ARSG: variants seen among roughly 807,000 people sequenced by gnomAD.
ARSG encodes the protein arylsulfatase G.
A neutral mutation model predicts 50.5 loss-of-function variants in ARSG; 37 were observed. The ratio of observed to expected loss-of-function variants is 0.73; its 90% CI spans 0.56 to 0.96. ARSG has a LOEUF of 0.96. Among genes scored for constraint, ARSG ranks in the 50% least tolerant of loss-of-function variants. The pLI is 0.00. For synonymous variants in ARSG, 225 were observed against 254.6 expected, an observed-to-expected ratio of 0.88 and a Z score of 1.11; for missense variants, 629 against 675.3, an observed-to-expected ratio of 0.93 and a Z score of 0.76.
rs373972279 is a variant in ARSG at position 68,417,444 on chromosome 17, A to G, written c.1304-2745A>G. Among the ~76,000 whole-genome samples the G allele has an allele frequency of 2.3e-4, 35 of 152,256 alleles. No homozygotes were observed. The South Asian group carries it at 7.0e-3, about 31-fold the overall frequency. On this transcript the variant is annotated intron_variant, in intron 11 of 11. Transcript: ENST00000621439. ...TTGAGCTCCTGGAGGTAAAACTCAC[A>G]AAAGTGTGTTGTGTTTTGGGTGCCG...
At chr17:68,450,861 A>G in the ARSG span, 9 of 1,613,850 alleles carry the variant, frequency 5.6e-6, no homozygotes, top group South Asian at 9.9e-5. Flanking sequence ...GCTGCTGGAG[A>G]AGAGGCGCTC....
chr17:68,379,739 G>C (rs1446906549), intron 8 of ARSG: 2 of 802,224 alleles, frequency 2.5e-6, no homozygotes, highest in African/African-American at 1.9e-5. Flanking sequence ...CAATATGCTG[G>C]AGAGAGGACC....
At chr17:68,364,396 CAG>C (rs1214571014) in intron 6 of ARSG, among the ~76,000 whole-genome samples, 2 of 152,118 alleles carry the variant, frequency 1.3e-5, no homozygotes, top group Non-Finnish European at 2.9e-5. Context: ...TTATTTGAGA[CAG>C]AGTCTTGCTC....
intron 11 of ARSG, among the ~76,000 whole-genome samples, chr17:68,407,027 A>C (rs951083482): frequency 6.6e-6 from 1 of 152,240 alleles, no homozygotes; most frequent in African/African-American, 2.4e-5. Flanking sequence ...TTCTTAATCC[A>C]TGTTGAGTTG....
intron 4 of ARSG, among the ~76,000 whole-genome samples, chr17:68,349,794 A>C (rs2078674886): frequency 6.6e-6 from 1 of 152,172 alleles, no homozygotes; most frequent in Non-Finnish European, 1.5e-5. Context: ...GAAGCACGAG[A>C]ATCGCTTGAA....
rs577397215 is a variant in ARSG at position 68,268,782 on chromosome 17, T to C, written c.-552+9356T>C. The C allele has an allele frequency of 5.8e-4, 171 of 296,322 alleles. 3 individuals carry two copies. The South Asian group carries it at 8.4e-3, about 15-fold the overall frequency. 18.4% of individuals were successfully genotyped at this position (296,322 alleles called of 1,614,324 possible). A position where few individuals can be genotyped will look rare whatever the true frequency, so the allele number is the denominator to read the frequency against. On this transcript the variant is annotated intron_variant, in intron 1 of 11. Transcript: ENST00000448504. ...ACTTTGCCAGTTCATGTCACTATTT[T>C]AATATCGGAATGTGAACCAAAGAGT... is the stretch of plus-strand genomic sequence containing the variant.
At chr17:68,380,623 A>G (rs78392258) in intron 8 of ARSG, among the ~76,000 whole-genome samples, 7,112 of 152,218 alleles carry the variant, frequency 0.047, 513 homozygotes, top group African/African-American at 0.15. Context: ...GTAAGTCTAC[A>G]GTATATAATA....
At chr17:68,295,609 C>A (rs1703682814) in intron 1 of ARSG, among the ~76,000 whole-genome samples, 1 of 151,098 alleles carries the variant, frequency 6.6e-6, no homozygotes, top group African/African-American at 2.4e-5. Flanking sequence ...AGGAGGATTG[C>A]TTGAAGACCA....
chr17:68,379,421 A>ATT (rs375841879), intron 8 of ARSG, among the ~76,000 whole-genome samples: 13,234 of 72,092 alleles, frequency 0.18, 2,661 homozygotes, highest in South Asian at 0.26. Flanking sequence ...GAACACTACA[A>ATT]TTTTTTTTTT....
At chr17:68,337,908 C>T (rs1401896295) in intron 2 of ARSG, among the ~76,000 whole-genome samples, 2 of 152,096 alleles carry the variant, frequency 1.3e-5, no homozygotes, top group Admixed American at 6.6e-5. Context: ...TGAGCCACTG[C>T]GCCCGGCCAG....
chr17:68,351,250 T>G (rs2078749219), intron 4 of ARSG, among the ~76,000 whole-genome samples: 1 of 152,182 alleles, frequency 6.6e-6, no homozygotes, highest in Admixed American at 6.5e-5. Flanking sequence ...AAGTGTCATG[T>G]ATATAGTAGG....
At chr17:68,309,304 C>T (rs1032985628) in intron 2 of ARSG, among the ~76,000 whole-genome samples, 20 of 152,364 alleles carry the variant, frequency 1.3e-4, no homozygotes, top group Admixed American at 7.2e-4. Flanking sequence ...TCCACACCTC[C>T]CTGCAAGCCG....
At chr17:68,267,747 CA>C (rs35359403) in intron 1 of ARSG, 95,938 of 151,266 alleles carry the variant, frequency 0.63, 31,519 homozygotes, top group African/African-American at 0.8. Flanking sequence ...AGTGTGACTC[CA>C]AAAAAAAAGG....
rs565248525 is a variant in ARSG, at chr17:68,310,748, G to A, written c.218+3037G>A. Among the ~76,000 whole-genome samples, 12 of 152,288 alleles carry A rather than the reference G, an allele frequency of 7.9e-5. No individual in the cohort carries two copies. In the East Asian group the frequency reaches 1.5e-3, roughly 20 times the overall value. ...GCTTGATGCTTTTCCTGAGATACGC[G>A]CCCTTGGTGGGTGGTAGTTTCTGCA... On this transcript the variant is annotated intron_variant, in intron 2 of 11. Coordinates refer to ENST00000621439, the MANE Select transcript of ARSG (RefSeq NM_001267727.2).
chr17:68,317,592 C>T (rs2077117887), intron 2 of ARSG, among the ~76,000 whole-genome samples: 1 of 152,086 alleles, frequency 6.6e-6, no homozygotes, highest in African/African-American at 2.4e-5. Flanking sequence ...CGCAAGGCCC[C>T]AAGTCCCCTC....
chr17:68,332,901 C>T (rs778202251), intron 2 of ARSG, among the ~76,000 whole-genome samples: 2 of 152,192 alleles, frequency 1.3e-5, no homozygotes, highest in Non-Finnish European at 2.9e-5. Flanking sequence ...TTGTACAGAG[C>T]TACAAATTCT....
intron 1 of ARSG, among the ~76,000 whole-genome samples, chr17:68,279,286 T>C (rs1555752007): frequency 6.6e-6 from 1 of 151,986 alleles, no homozygotes; most frequent in Non-Finnish European, 1.5e-5. Context: ...GCGTCTCTGC[T>C]TGATGTCCCT....
chr17:68,413,461 G>A (rs1375589911), intron 11 of ARSG, among the ~76,000 whole-genome samples: 5 of 152,332 alleles, frequency 3.3e-5, no homozygotes, highest in South Asian at 2.1e-4. Context: ...TGAGGAGGCA[G>A]TCTGCCCGTT....
chr17:68,382,673 T>A (rs1467531180), intron 8 of ARSG, among the ~76,000 whole-genome samples: 1 of 152,184 alleles, frequency 6.6e-6, no homozygotes, highest in Non-Finnish European at 1.5e-5. Context: ...TCTTTGTAAG[T>A]TTTGTCCACT....
Sources: allele counts gnomAD v4.1 joint callset (sites outside exome capture counted in the v4.1 genomes callset), GRCh38; gene constraint gnomAD v4.1.1; transcripts MANE v1.5; gene names NCBI Gene and HGNC (gene_info 2026-07-23, HGNC 2026-07-21).